Variants in KLF7 observed in about 807,000 individuals in gnomAD.
KLF7 encodes the protein KLF transcription factor 7.
In KLF7, 2 loss-of-function variants were observed where a neutral mutation model predicts 27.3. The observed-to-expected ratio is 0.07, with a 90% CI of 0.03 to 0.23. KLF7 has a LOEUF of 0.23. KLF7 is among the 10% of genes least tolerant of loss of function. The pLI is 1.00. For synonymous variants in KLF7, 165 were observed against 162.4 expected, an observed-to-expected ratio of 1.02 and a Z score of -0.12; for missense variants, 221 against 394.1, an observed-to-expected ratio of 0.56 and a Z score of 3.72.
At chr2:207,115,788 C>T (rs2077163960) in intron 2 of KLF7, among the ~76,000 whole-genome samples, 1 of 152,104 alleles carries the variant, frequency 6.6e-6, no homozygotes, top group African/African-American at 2.4e-5. Flanking sequence ...TAAGTTTCCC[C>T]TAATTGAAGG....
At position 207,088,571 on chromosome 2, in the gene KLF7, A is replaced by C; in HGVS notation, c.744T>G (p.Pro248=). 6.2e-7 allele frequency: 1 copy of C among 1,613,774 alleles called. No individual in the cohort carries two copies. Among genetic ancestry groups the C allele is most frequent in the South Asian group, 1.1e-5 (1 of 91,072 alleles). Residue 248 remains proline (P), a synonymous_variant, in exon 3 of 4, where the codon CCT becomes CCG. Coordinates refer to ENST00000309446, the MANE Select transcript of KLF7 (RefSeq NM_003709.4). ...CACATCCCTCCCATGAGCACTTATA[A>C]GGCTTCTCACCTGCAAGAAGAGATG... ...AHQRTHTGEK[P]YKCSWEGCEW...
At chr2:207,121,929 T>C (rs1166986715) in intron 2 of KLF7, 2 of 152,198 alleles carry the variant, frequency 1.3e-5, no homozygotes, top group Non-Finnish European at 2.9e-5. Flanking sequence ...TTAGTGCCAA[T>C]AATTCAGAAA....
chr2:207,145,620 A>G (rs923662166), intron 1 of KLF7, among the ~76,000 whole-genome samples: 2 of 152,244 alleles, frequency 1.3e-5, no homozygotes, highest in Admixed American at 6.5e-5. Flanking sequence ...ATGAGTAGAA[A>G]TATTCCTTCA....
At chr2:207,170,461 A>C (rs1200945288), upstream of KLF7, among the ~76,000 whole-genome samples, 1 of 152,224 alleles carries the variant, frequency 6.6e-6, no homozygotes, top group African/African-American at 2.4e-5. Context: ...AGACTGAGCT[A>C]AAATCATTGA....
chr2:207,162,245 C>A (rs2078571240), intron 1 of KLF7, among the ~76,000 whole-genome samples: 1 of 152,106 alleles, frequency 6.6e-6, no homozygotes, highest in African/African-American at 2.4e-5. Flanking sequence ...TCAAGTGGTA[C>A]CCCATAAGAA....
intron 1 of KLF7, among the ~76,000 whole-genome samples, chr2:207,159,063 G>A (rs905820585): frequency 1.2e-4 from 18 of 152,190 alleles, no homozygotes; most frequent in Non-Finnish European, 2.4e-4. Flanking sequence ...TTGAAATTCT[G>A]AGATTCTATG....
chr2:207,165,285 G>T (rs887112261), intron 1 of KLF7, among the ~76,000 whole-genome samples, 182 bp downstream of exon 1: 1 of 152,126 alleles, frequency 6.6e-6, no homozygotes, highest in Non-Finnish European at 1.5e-5. Flanking sequence ...CGAGGTTAGG[G>T]GTGGGTGGAG....
chr2:207,110,273 T>C (rs901178872), intron 2 of KLF7, among the ~76,000 whole-genome samples: 1 of 152,150 alleles, frequency 6.6e-6, no homozygotes, highest in African/African-American at 2.4e-5. Flanking sequence ...ACCAGAACAG[T>C]GAATAGTAGG....
chr2:207,123,869 T>C lies in KLF7; in HGVS notation c.638A>G (p.Glu213Gly). Residue 213 changes from glutamate to glycine, a missense_variant, in exon 2 of 4, where the codon GAA becomes GGA. Glu to Gly is a moderately conservative substitution (Grantham distance 98). Transcript: ENST00000309446. ...ACAGCGGTGAACCCTCTTCTTGTTT[T>C]CGGGACATGCTTCAGCCCCCAGCCC... ...QGGLGAEACPENKKRVHRCQF... is the reference protein window; with the variant it reads ...QGGLGAEACPGNKKRVHRCQF... The C allele has an allele frequency of 6.2e-7, 1 of 1,613,964 alleles. No individual in the cohort carries two copies.
At position 207,075,500 on chromosome 2, in the gene KLF7, T is replaced by C. The variant is rs897955129; in HGVS notation, c.*5713A>G. The C allele has an allele frequency of 3.9e-5, 6 of 152,006 alleles. No homozygotes were observed. The highest frequency in any genetic ancestry group is 1.4e-4 in the African/African-American group (6 of 41,380). 9.4% of individuals were successfully genotyped at this position (152,006 alleles called of 1,614,324 possible). On this transcript the variant is annotated 3_prime_UTR_variant, in exon 4 of 4. Coordinates refer to ENST00000309446, the MANE Select transcript of KLF7 (RefSeq NM_003709.4). ...GGGGAGGCGGGGAAGGAGACGGGGC[T>C]GGGAGTAGGTCTCTCCAAACACACT...
At chr2:207,093,282 T>G (rs2076552641) in intron 2 of KLF7, among the ~76,000 whole-genome samples, 1 of 152,180 alleles carries the variant, frequency 6.6e-6, no homozygotes, top group Non-Finnish European at 1.5e-5. Context: ...TCTATCGTTC[T>G]CAGAAAAAAA....
chr2:207,138,685 G>A (rs982290083), intron 1 of KLF7, among the ~76,000 whole-genome samples: 2 of 152,124 alleles, frequency 1.3e-5, no homozygotes, highest in Non-Finnish European at 2.9e-5. Context: ...ATTTCCTAGT[G>A]CCCTACTTAC....
intron 2 of KLF7, among the ~76,000 whole-genome samples, chr2:207,106,052 A>G (rs1223183587): frequency 6.6e-6 from 1 of 152,258 alleles, no homozygotes; most frequent in Non-Finnish European, 1.5e-5. Flanking sequence ...AAAATACAGT[A>G]TTAGAACTAA....
intron 1 of KLF7, among the ~76,000 whole-genome samples, chr2:207,135,052 C>T (rs377491536): frequency 3.9e-5 from 6 of 152,246 alleles, no homozygotes; most frequent in African/African-American, 1.4e-4. Flanking sequence ...AAATAAGTTT[C>T]CAGGGGAAGT....
intron 1 of KLF7, among the ~76,000 whole-genome samples, chr2:207,164,083 T>C (rs763858845): frequency 4.6e-5 from 7 of 152,232 alleles, no homozygotes; most frequent in Admixed American, 2.0e-4. Flanking sequence ...TCACAGCCTC[T>C]GACCAGAAGT....
At chr2:207,155,471 A>C (rs190160547) in intron 1 of KLF7, among the ~76,000 whole-genome samples, 2 of 152,356 alleles carry the variant, frequency 1.3e-5, no homozygotes, top group African/African-American at 4.8e-5. Flanking sequence ...AGTTAAAGAA[A>C]GAATGTGCCA....
In KLF7 at chr2:207,123,646, C is replaced by A. The variant is rs369207837; in HGVS notation, c.733+128G>T. 9 of 978,232 alleles carry A rather than the reference C, an allele frequency of 9.2e-6. No individual in the cohort carries two copies. In the Admixed American group the frequency reaches 9.9e-5, roughly 11 times the overall value. The allele number at this position is 978,232 out of a possible 1,614,324, so 60.6% of individuals were successfully genotyped here. ...AGTCATTCTTTGTCCCTACCTGGGG[C>A]CTCCCGCCTGTCTATCACCTCCTCA... On this transcript the variant is annotated intron_variant, in intron 2 of 3. Transcript: ENST00000309446.
upstream of KLF7, among the ~76,000 whole-genome samples, chr2:207,172,106 G>C (rs2078791329): frequency 6.6e-6 from 1 of 152,026 alleles, no homozygotes; most frequent in Non-Finnish European, 1.5e-5. Context: ...ATTTCTCTCT[G>C]ACCTTCCCCT....
chr2:207,147,399 C>T (rs2078124456), intron 1 of KLF7, among the ~76,000 whole-genome samples: 1 of 152,124 alleles, frequency 6.6e-6, no homozygotes, highest in African/African-American at 2.4e-5. Context: ...CTTTCTTTGC[C>T]CCCAGCACTC....
Sources: allele counts gnomAD v4.1 joint callset (sites outside exome capture counted in the v4.1 genomes callset), GRCh38; gene constraint gnomAD v4.1.1; transcripts MANE v1.5; gene names NCBI Gene and HGNC (gene_info 2026-07-23, HGNC 2026-07-21).